Variants in TRIM44 observed in about 807,000 individuals in gnomAD.
TRIM44 encodes the protein tripartite motif-containing protein 44.
TRIM44 carries 13 observed loss-of-function variants against 37.4 expected under a neutral mutation model. The ratio of observed to expected loss-of-function variants is 0.35; its 90% CI spans 0.23 to 0.55. The LOEUF is 0.55. Ranked by LOEUF, TRIM44 falls within the 20% of genes least tolerant of loss-of-function variation. The probability of loss-of-function intolerance (pLI) is 0.89; values close to 1 mark genes in which losing one functional copy is unlikely to be tolerated. For synonymous variants in TRIM44, 175 were observed against 157.2 expected (o/e 1.11, Z -0.85); for missense variants, 426 against 437.2 (o/e 0.97, Z 0.23).
intron 2 of TRIM44, among the ~76,000 whole-genome samples, chr11:35,708,654 C>G (rs1221473476): frequency 6.6e-6 from 1 of 151,560 alleles, no homozygotes; most frequent in East Asian, 1.9e-4. Flanking sequence ...AGTAAACTAT[C>G]GTAAGAACAA....
At chr11:35,688,259 C>G (rs1311584819) in intron 2 of TRIM44, among the ~76,000 whole-genome samples, 18 of 152,166 alleles carry the variant, frequency 1.2e-4, no homozygotes, top group East Asian at 1.9e-4. Flanking sequence ...CTCACTTCCT[C>G]TAGAATTCCC....
chr11:35,693,892 G>A (rs1211365383), intron 2 of TRIM44, among the ~76,000 whole-genome samples: 2 of 152,092 alleles, frequency 1.3e-5, no homozygotes, highest in Non-Finnish European at 2.9e-5. Context: ...AGAATAGAGT[G>A]CGCTAGGGAG....
Position 35,669,718 on chromosome 11 carries a change from A to T in TRIM44, c.669+5938A>T, listed in dbSNP as rs183264557. Among the ~76,000 whole-genome samples the T allele has an allele frequency of 2.0e-5, 3 of 152,216 alleles. No individual in the cohort carries two copies. The East Asian group carries it at 5.8e-4, about 29-fold the overall frequency. Reference sequence around the variant, plus strand: ...GGTCTTGAACTCCTGGCCTCAGGTGATCCACCTGCCTTGGCCTCCCAAAGT... The same window carrying T: ...GGTCTTGAACTCCTGGCCTCAGGTGTTCCACCTGCCTTGGCCTCCCAAAGT... On this transcript the variant is annotated intron_variant, in intron 1 of 4. Transcript: ENST00000299413.
intron 1 of TRIM44, among the ~76,000 whole-genome samples, chr11:35,674,276 G>A (rs149042067): frequency 5.2e-4 from 79 of 151,200 alleles, no homozygotes; most frequent in Admixed American, 1.9e-3. Flanking sequence ...ATGTGTTTGC[G>A]TGTATGTATA....
rs972913031 is a variant in TRIM44, at chr11:35,808,861, G to A, written c.*2476G>A. 1 of 152,212 alleles carries A rather than the reference G, an allele frequency of 6.6e-6. No homozygotes were observed. The highest frequency in any genetic ancestry group is 1.5e-5 in the Non-Finnish European group (1 of 68,038). 9.4% of individuals were successfully genotyped at this position (152,212 alleles called of 1,614,324 possible). A position where few individuals can be genotyped will look rare whatever the true frequency, so the allele number is the denominator to read the frequency against. ...CCTTCCCCTAGAGCTGGAGCATGCT[G>A]CTTGGCCTTAAGCCCCAGCATGATG... is the stretch of plus-strand genomic sequence containing the variant. On this transcript the variant is annotated 3_prime_UTR_variant, in exon 5 of 5. Coordinates refer to ENST00000299413, the MANE Select transcript of TRIM44 (RefSeq NM_017583.6).
At chr11:35,709,960 C>CA (rs1266928872) in intron 2 of TRIM44, among the ~76,000 whole-genome samples, 3 of 151,690 alleles carry the variant, frequency 2.0e-5, no homozygotes, top group African/African-American at 2.4e-5. Flanking sequence ...ATTTATAGAC[C>CA]AAAAAAAAGT....
chr11:35,758,607 C>T (rs985198231), intron 4 of TRIM44, among the ~76,000 whole-genome samples: 3 of 152,174 alleles, frequency 2.0e-5, no homozygotes, highest in Non-Finnish European at 4.4e-5. Context: ...ATGGTCTTTA[C>T]GATTTGGCAT....
intron 2 of TRIM44, among the ~76,000 whole-genome samples, chr11:35,702,764 T>C (rs1321083458): frequency 2.6e-5 from 4 of 152,222 alleles, no homozygotes; most frequent in Admixed American, 6.5e-5. Flanking sequence ...ATAGTTCTTA[T>C]AAAACATACA....
intron 2 of TRIM44, among the ~76,000 whole-genome samples, chr11:35,699,081 G>A (rs569114970): frequency 4.7e-5 from 7 of 147,952 alleles, no homozygotes; most frequent in Non-Finnish European, 1.1e-4. Flanking sequence ...GTTTGTCAAA[G>A]ATCAGATAGT....
At chr11:35,700,600 CAT>C (rs1347194619) in intron 2 of TRIM44, among the ~76,000 whole-genome samples, 4 of 152,326 alleles carry the variant, frequency 2.6e-5, no homozygotes, top group Admixed American at 6.5e-5. Flanking sequence ...CCATCTATGT[CAT>C]GTGTGGATTT....
At chr11:35,701,456 A>G (rs866081775) in intron 2 of TRIM44, among the ~76,000 whole-genome samples, 3 of 152,180 alleles carry the variant, frequency 2.0e-5, no homozygotes, top group Admixed American at 6.5e-5. Flanking sequence ...AAAAAGGAAA[A>G]TTTAAGATAG....
chr11:35,769,918 CTTTTA>C (rs1054636994), intron 4 of TRIM44, among the ~76,000 whole-genome samples: 4 of 147,344 alleles, frequency 2.7e-5, no homozygotes, highest in Non-Finnish European at 4.6e-5. Flanking sequence ...ATAATTTCAA[CTTTTA>C]TTTTAGGTTC....
At chr11:35,742,885 C>T (rs1160039941) in intron 4 of TRIM44, among the ~76,000 whole-genome samples, 4 of 148,758 alleles carry the variant, frequency 2.7e-5, no homozygotes, top group Non-Finnish European at 5.9e-5. Flanking sequence ...AAAACTGAGT[C>T]GCAGAGAGGT....
chr11:35,704,836 G>A (rs1023540605), intron 2 of TRIM44, among the ~76,000 whole-genome samples: 46 of 152,208 alleles, frequency 3.0e-4, no homozygotes, highest in East Asian at 9.6e-4. Flanking sequence ...ATCGATGCTC[G>A]GAAGAAACTG....
intron 4 of TRIM44, among the ~76,000 whole-genome samples, chr11:35,742,652 TTA>T (rs1444848818): frequency 7.6e-6 from 1 of 132,018 alleles, no homozygotes; most frequent in Non-Finnish European, 1.5e-5. Flanking sequence ...ATTAATTGTA[TTA>T]TATATAATTA....
Position 35,735,437 on chromosome 11 carries a change from AG to A in TRIM44, c.1001del (p.Gly334AspfsTer81). The A allele has an allele frequency of 6.2e-7, 1 of 1,613,726 alleles. No homozygotes were observed. Among genetic ancestry groups the A allele is most frequent in the Non-Finnish European group, 8.5e-7 (1 of 1,179,714 alleles). ...TGTTTGTCTTTCAGGGCGATGAGGA[AG>A]GACCCAGGTAAGATCACATTGTTGC... Reference protein sequence around the residue: ...AEPKAEGDEEGPSGASEEEDT With the variant: ...AEPKAEGDEEXPSGASEEEDT On this transcript the variant is annotated frameshift_variant, in exon 4 of 5. Coordinates refer to ENST00000299413, the MANE Select transcript of TRIM44 (RefSeq NM_017583.6). LOFTEE classifies it high-confidence loss of function.
intron 4 of TRIM44, among the ~76,000 whole-genome samples, chr11:35,803,896 A>G (rs1853403907): frequency 6.6e-6 from 1 of 151,658 alleles, no homozygotes; most frequent in Admixed American, 6.6e-5. Flanking sequence ...TGTGTTATAG[A>G]TTCAGTTATG....
intron 4 of TRIM44, among the ~76,000 whole-genome samples, chr11:35,768,739 A>G (rs913512994): frequency 2.6e-5 from 4 of 152,208 alleles, no homozygotes; most frequent in Non-Finnish European, 4.4e-5. Context: ...TAATAAAACT[A>G]ATTAAACACT....
chr11:35,707,086 T>C (rs915979450), intron 2 of TRIM44, among the ~76,000 whole-genome samples: 2 of 152,214 alleles, frequency 1.3e-5, no homozygotes, highest in Non-Finnish European at 2.9e-5. Context: ...AAAATCAATG[T>C]ACAAAAATCA....
Sources: gnomAD v4.1 joint callset for allele counts (sites outside exome capture counted in the v4.1 genomes callset) on GRCh38, gnomAD v4.1.1 for gene constraint, MANE v1.5 for transcripts, NCBI Gene and HGNC (gene_info 2026-07-23, HGNC 2026-07-21) for gene names.